CTNNA3: variants seen among roughly 807,000 people sequenced by gnomAD.
CTNNA3 encodes the protein catenin alpha-3.
In CTNNA3, 76 loss-of-function variants were observed where a neutral mutation model predicts 95.7. The observed-to-expected ratio is 0.79, with a 90% confidence interval of 0.66 to 0.96. The LOEUF (loss-of-function observed/expected upper bound fraction) is 0.96, where lower values mean the gene tolerates loss of function less well. Among genes scored for constraint, CTNNA3 ranks in the 40% least tolerant of loss-of-function variants. The pLI is 0.00. For synonymous variants in CTNNA3, 431 were observed against 374.4 expected (o/e 1.15, Z -1.74); for missense variants, 1,191 against 1,089.8 (o/e 1.09, Z -1.31).
chr10:67,610,113 C>G (rs1266389254), intron 2 of CTNNA3, among the ~76,000 whole-genome samples: 2 of 152,128 alleles, frequency 1.3e-5, no homozygotes, highest in African/African-American at 4.8e-5. Flanking sequence ...CTGAAGTGTT[C>G]CCTCGGAATG....
At chr10:66,489,600 G>A (rs1179612790) in intron 11 of CTNNA3, among the ~76,000 whole-genome samples, 2 of 151,838 alleles carry the variant, frequency 1.3e-5, no homozygotes, top group East Asian at 1.9e-4. Flanking sequence ...ACACACACAC[G>A]TGCACACACA....
chr10:67,619,356 C>T (rs904637471), intron 2 of CTNNA3, among the ~76,000 whole-genome samples: 58 of 152,270 alleles, frequency 3.8e-4, no homozygotes, highest in African/African-American at 1.3e-3. Flanking sequence ...ACCAAGAACA[C>T]TCACTGGAGA....
chr10:66,025,469 C>T (rs1161808476), intron 15 of CTNNA3, among the ~76,000 whole-genome samples: 1 of 152,126 alleles, frequency 6.6e-6, no homozygotes, highest in Non-Finnish European at 1.5e-5. Context: ...TTAAATAATA[C>T]CACTTTTTTC....
intron 7 of CTNNA3, among the ~76,000 whole-genome samples, chr10:67,166,251 T>TTCAGTCA (rs1861766326): frequency 6.6e-6 from 1 of 152,208 alleles, no homozygotes; most frequent in Admixed American, 6.5e-5. Flanking sequence ...CTGAAAAAGT[T>TTCAGTCA]TCAGTCATTC....
chr10:66,971,838 C>G (rs947345315), intron 7 of CTNNA3, among the ~76,000 whole-genome samples: 1 of 151,956 alleles, frequency 6.6e-6, no homozygotes, highest in African/African-American at 2.4e-5. Flanking sequence ...ATAGGTTCTT[C>G]TCTTTAATAT....
intron 9 of CTNNA3, among the ~76,000 whole-genome samples, chr10:66,714,167 T>C (rs1339441842): frequency 6.6e-6 from 1 of 152,142 alleles, no homozygotes; most frequent in Non-Finnish European, 1.5e-5. Flanking sequence ...TTAACTATAT[T>C]TACCTCAAAC....
intron 10 of CTNNA3, among the ~76,000 whole-genome samples, chr10:66,553,785 C>G (rs986275898): frequency 1.3e-5 from 2 of 151,860 alleles, no homozygotes; most frequent in African/African-American, 2.4e-5. Context: ...CCTCAGCCTC[C>G]CAAAGTGCTG....
chr10:67,475,784 A>T (rs1216516862), intron 5 of CTNNA3, among the ~76,000 whole-genome samples: 2 of 152,216 alleles, frequency 1.3e-5, no homozygotes, highest in African/African-American at 4.8e-5. Context: ...ATACAGATGA[A>T]AGCAATGAAT....
At chr10:67,498,350 T>C (rs1839104194) in intron 5 of CTNNA3, among the ~76,000 whole-genome samples, 1 of 152,216 alleles carries the variant, frequency 6.6e-6, no homozygotes. Flanking sequence ...TGTAGTATAG[T>C]TTGAAGTCAG....
intron 5 of CTNNA3, among the ~76,000 whole-genome samples, chr10:67,375,861 A>G (rs1185691868): frequency 6.6e-6 from 1 of 152,200 alleles, no homozygotes; most frequent in East Asian, 1.9e-4. Flanking sequence ...TCAAGAACTC[A>G]TAGGCTAACC....
chr10:67,699,529 C>G (rs1759342272), upstream of CTNNA3, among the ~76,000 whole-genome samples: 1 of 152,104 alleles, frequency 6.6e-6, no homozygotes, highest in South Asian at 2.1e-4. Context: ...GACTATGGCT[C>G]AAAATGAAAG....
At chr10:66,225,396 T>C (rs1373539266) in intron 13 of CTNNA3, among the ~76,000 whole-genome samples, 2 of 105,294 alleles carry the variant, frequency 1.9e-5, no homozygotes, top group Non-Finnish European at 4.0e-5. Flanking sequence ...TTCAAATATA[T>C]ATATATATAT....
rs4142041 is a variant in CTNNA3 at position 66,881,193 on chromosome 10, A to C, written c.1048-105669T>G. Among the ~76,000 whole-genome samples, 8 of 152,100 alleles carry C rather than the reference A, an allele frequency of 5.3e-5. No homozygotes were observed. In the South Asian group the frequency reaches 1.2e-3, roughly 24 times the overall value. The stretch of plus-strand genomic sequence containing the variant: ...GAAACAGGATGAAAACAACATAAGA[A>C]ACAGTTTATATGAACTCAGTTCCAA... On this transcript the variant is annotated intron_variant, in intron 7 of 17. Coordinates refer to ENST00000433211, the MANE Select transcript of CTNNA3 (RefSeq NM_013266.4).
At chr10:66,585,568 T>C (rs77295345) in intron 10 of CTNNA3, among the ~76,000 whole-genome samples, 3,637 of 151,986 alleles carry the variant, frequency 0.024, 83 homozygotes, top group South Asian at 0.056. Context: ...AAAATATCCA[T>C]CTCTTTAGAA....
At chr10:67,729,896 T>C (rs1180586735) in intron 1 of CTNNA3, among the ~76,000 whole-genome samples, 1 of 152,004 alleles carries the variant, frequency 6.6e-6, no homozygotes, top group African/African-American at 2.4e-5. Context: ...TATGTAAAAA[T>C]AAAAAATAAT....
At chr10:67,166,230 T>G (rs186765285) in intron 7 of CTNNA3, among the ~76,000 whole-genome samples, 5 of 152,200 alleles carry the variant, frequency 3.3e-5, no homozygotes, top group African/African-American at 2.4e-5. Flanking sequence ...GAAATATCAA[T>G]TGTGGGTCAC....
intron 9 of CTNNA3, among the ~76,000 whole-genome samples, chr10:66,677,877 G>A (rs1376793805): frequency 6.6e-6 from 1 of 150,990 alleles, no homozygotes; most frequent in Non-Finnish European, 1.5e-5. Flanking sequence ...CATTGTAATG[G>A]ACTGACCAGA....
intron 7 of CTNNA3, among the ~76,000 whole-genome samples, chr10:67,169,200 T>C (rs986024143): frequency 2.0e-5 from 3 of 152,204 alleles, no homozygotes; most frequent in Admixed American, 6.5e-5. Context: ...ATCATTAAAA[T>C]GGCCATACTG....
intron 7 of CTNNA3, among the ~76,000 whole-genome samples, chr10:66,946,832 G>A (rs1032020307): frequency 1.4e-4 from 21 of 151,946 alleles, no homozygotes; most frequent in Non-Finnish European, 3.1e-4. Context: ...GTATGTACTT[G>A]GAAGTTCTTG....
Sources: allele counts gnomAD v4.1 joint callset (sites outside exome capture counted in the v4.1 genomes callset), GRCh38; gene constraint gnomAD v4.1.1; transcripts MANE v1.5; gene names NCBI Gene and HGNC (gene_info 2026-07-23, HGNC 2026-07-21).